KDM2A: variants seen among roughly 807,000 people sequenced by gnomAD.
The protein encoded by KDM2A is lysine-specific demethylase 2A.
KDM2A carries 3 observed loss-of-function variants against 137.3 expected under a neutral mutation model. The observed-to-expected ratio is 0.02, with a 90% CI of 0.01 to 0.06. The LOEUF (loss-of-function observed/expected upper bound fraction) is 0.06, where lower values mean the gene tolerates loss of function less well. Among genes scored for constraint, KDM2A ranks in the 10% least tolerant of loss-of-function variants. The pLI, the probability that KDM2A is intolerant of heterozygous loss-of-function variation, is 1.00. For synonymous variants in KDM2A, 512 were observed against 541.5 expected (o/e 0.95, Z 0.76); for missense variants, 738 against 1,510.6 (o/e 0.49, Z 8.48).
At chr11:67,153,050 T>C (rs922518822) in intron 2 of KDM2A, among the ~76,000 whole-genome samples, 4 of 151,968 alleles carry the variant, frequency 2.6e-5, no homozygotes, top group Admixed American at 1.3e-4. Flanking sequence ...AATGGCACGA[T>C]CTCAGCTCAC....
chr11:67,182,515 T>TA (rs1334978394), intron 5 of KDM2A, among the ~76,000 whole-genome samples: 1 of 147,736 alleles, frequency 6.8e-6, no homozygotes, highest in Non-Finnish European at 1.5e-5. Flanking sequence ...GGATGGTCAG[T>TA]AAAATTGAAT....
At chr11:67,180,358 T>A in intron 3 of KDM2A, 141 bp downstream of exon 3, 1 of 812,118 alleles carries the variant, frequency 1.2e-6, no homozygotes, top group Non-Finnish European at 1.8e-6. Flanking sequence ...TACAATGCCA[T>A]TTGCATGCAC....
chr11:67,129,094 A>G (rs1357531891), intron 2 of KDM2A, among the ~76,000 whole-genome samples: 4 of 152,186 alleles, frequency 2.6e-5, no homozygotes, highest in Non-Finnish European at 4.4e-5. Context: ...AAAAAAATGA[A>G]TAAATTAGAA....
intron 2 of KDM2A, among the ~76,000 whole-genome samples, chr11:67,153,150 A>G (rs777492206): frequency 6.6e-6 from 1 of 152,018 alleles, no homozygotes; most frequent in Non-Finnish European, 1.5e-5. Flanking sequence ...ACGCCCAGCT[A>G]ATTTTTGTAT....
chr11:67,217,956 A>G, intron 9 of KDM2A, 72 bp downstream of exon 9: 1 of 1,325,292 alleles, frequency 7.5e-7, no homozygotes, highest in South Asian at 1.5e-5. Flanking sequence ...ATGGATTACC[A>G]CCAAGAATAG....
chr11:67,133,970 G>A (rs529161337), intron 2 of KDM2A, among the ~76,000 whole-genome samples: 2 of 152,314 alleles, frequency 1.3e-5, no homozygotes, highest in South Asian at 2.1e-4. Flanking sequence ...AGGATTAGAG[G>A]CGTGAGCCAC....
intron 2 of KDM2A, among the ~76,000 whole-genome samples, chr11:67,126,415 G>C (rs115389405): frequency 0.019 from 2,846 of 151,342 alleles, 90 homozygotes; most frequent in African/African-American, 0.065. Context: ...CTCACACACA[G>C]ATTGTTTTTT....
chr11:67,129,733 C>CAA (rs200961023), intron 2 of KDM2A, among the ~76,000 whole-genome samples: 1 of 56,462 alleles, frequency 1.8e-5, no homozygotes, highest in African/African-American at 5.7e-5. Flanking sequence ...GACTCCATCT[C>CAA]AAAAAAAAAA....
At chr11:67,153,881 T>A (rs1038508640) in intron 2 of KDM2A, among the ~76,000 whole-genome samples, 25 of 152,146 alleles carry the variant, frequency 1.6e-4, no homozygotes, top group African/African-American at 5.5e-4. Context: ...CCCCTTTTTT[T>A]ATTTTTAATT....
chr11:67,199,593 T>A (rs1049662931), intron 5 of KDM2A, among the ~76,000 whole-genome samples: 7 of 152,154 alleles, frequency 4.6e-5, no homozygotes, highest in African/African-American at 1.2e-4. Context: ...AAGCCCTGAT[T>A]CTCTTTAATT....
chr11:67,176,614 A>G (rs895891800), intron 2 of KDM2A, among the ~76,000 whole-genome samples: 7 of 152,238 alleles, frequency 4.6e-5, no homozygotes, highest in Non-Finnish European at 7.3e-5. Context: ...GTGTACTTAC[A>G]CAAACCTGGG....
intron 6 of KDM2A, among the ~76,000 whole-genome samples, chr11:67,214,204 C>T (rs1377382995): frequency 1.1e-4 from 1 of 9,068 alleles, no homozygotes; most frequent in Non-Finnish European, 3.0e-4. Context: ...CCATGCGCAG[C>T]TAATTTTTTT....
intron 2 of KDM2A, among the ~76,000 whole-genome samples, chr11:67,155,740 C>G (rs920502585): frequency 6.6e-6 from 1 of 151,572 alleles, no homozygotes; most frequent in African/African-American, 2.4e-5. Context: ...CCTCAGCCTC[C>G]TAAGTAGCTG....
chr11:67,157,172 G>A (rs540800503), intron 2 of KDM2A, among the ~76,000 whole-genome samples: 2 of 151,264 alleles, frequency 1.3e-5, no homozygotes, highest in South Asian at 4.2e-4. Context: ...AATTAGCCGG[G>A]TGTGGTGGTG....
intron 12 of KDM2A, chr11:67,240,438 T>C: frequency 7.3e-7 from 1 of 1,368,588 alleles, no homozygotes; most frequent in Non-Finnish European, 9.9e-7. Context: ...TTTGTCTCAG[T>C]GAAGAGGCAG....
At chr11:67,211,310 C>G (rs1857972501) in intron 6 of KDM2A, among the ~76,000 whole-genome samples, 1 of 151,818 alleles carries the variant, frequency 6.6e-6, no homozygotes, top group Admixed American at 6.6e-5. Context: ...AAGTAACCAC[C>G]ATAGTCAAAA....
chr11:67,156,320 C>T (rs913709581), intron 2 of KDM2A, among the ~76,000 whole-genome samples: 4 of 151,890 alleles, frequency 2.6e-5, no homozygotes, highest in African/African-American at 7.3e-5. Flanking sequence ...CGCAGTGGCT[C>T]ACGCCTGTAA....
chr11:67,184,651 A>G (rs1011790681), intron 5 of KDM2A, among the ~76,000 whole-genome samples: 10 of 152,050 alleles, frequency 6.6e-5, no homozygotes, highest in African/African-American at 1.2e-4. Context: ...GAGGGTGGCT[A>G]TTGCCCACAC....
chr11:67,121,459 C>T, intron 2 of KDM2A, 101 bp downstream of exon 2: 4 of 1,204,458 alleles, frequency 3.3e-6, no homozygotes, highest in South Asian at 1.3e-5. Context: ...TAAAACTTTT[C>T]GGGTGACTTT....
Sources: gnomAD v4.1 joint callset for allele counts (sites outside exome capture counted in the v4.1 genomes callset) on GRCh38, gnomAD v4.1.1 for gene constraint, MANE v1.5 for transcripts, NCBI Gene and HGNC (gene_info 2026-07-23, HGNC 2026-07-21) for gene names.